Variants in CNOT1 observed in about 807,000 individuals in gnomAD.
The protein encoded by CNOT1 is CCR4-associated factor 1.
Under a neutral mutation model 273.8 loss-of-function variants are expected in CNOT1, and 15 were observed. That is an observed-to-expected ratio of 0.05 (90% CI 0.04 to 0.08). The LOEUF (loss-of-function observed/expected upper bound fraction) is 0.08. CNOT1 is among the 10% of genes least tolerant of loss of function. CNOT1 has a pLI of 1.00. For missense variants in CNOT1, 1,644 were observed against 2,912.2 expected, an observed-to-expected ratio of 0.56 and a Z score of 10.02; for synonymous variants, 1,022 against 1,005.5, an observed-to-expected ratio of 1.02 and a Z score of -0.31.
intron 16 of CNOT1, among the ~76,000 whole-genome samples, chr16:58,560,986 C>T (rs2151943618): frequency 6.6e-6 from 1 of 152,202 alleles, no homozygotes; most frequent in African/African-American, 2.4e-5. Context: ...GATCGCGCCA[C>T]TGCACTCCAG....
At chr16:58,579,781 T>C (rs2041591468) in intron 12 of CNOT1, among the ~76,000 whole-genome samples, 1 of 152,174 alleles carries the variant, frequency 6.6e-6, no homozygotes, top group African/African-American at 2.4e-5. Flanking sequence ...GTACCATTCT[T>C]TCTTCACACA....
chr16:58,536,282 G>A (rs1191326620), intron 39 of CNOT1, among the ~76,000 whole-genome samples: 1 of 152,114 alleles, frequency 6.6e-6, no homozygotes, highest in Non-Finnish European at 1.5e-5. Flanking sequence ...TACCACTCTT[G>A]CCAAGTTATA....
chr16:58,585,381 A>G lies in CNOT1; in HGVS notation c.763T>C (p.Leu255=), dbSNP rs1359358836. Residue 255 remains leucine (L), a synonymous_variant, in exon 8 of 49, where the codon TTG becomes CTG. Transcript: ENST00000317147. ...CCTACTTCTTGCATGAAATCAGCCAAAGAGCTCTCCATCATGGTTTTAGCT... is the reference window on the plus strand; with the variant it reads ...CCTACTTCTTGCATGAAATCAGCCAGAGAGCTCTCCATCATGGTTTTAGCT... ...GVAKTMMESS[L]ADFMQEVGYG... 1.2e-6 allele frequency: 2 copies of G among 1,613,832 alleles called. No individual in the cohort carries two copies. Among genetic ancestry groups the G allele is most frequent in the Admixed American group, 1.7e-5 (1 of 59,994 alleles).
chr16:58,524,348 C>T (rs1313788388), intron 46 of CNOT1, among the ~76,000 whole-genome samples: 1 of 150,264 alleles, frequency 6.7e-6, no homozygotes, highest in East Asian at 2.0e-4. Flanking sequence ...GTCTAAACTA[C>T]ACTGGAATAA....
intron 29 of CNOT1, 87 bp from the exon 30 acceptor site, chr16:58,545,578 A>G (rs2040233697): frequency 1.9e-6 from 3 of 1,563,252 alleles, no homozygotes; most frequent in Non-Finnish European, 2.6e-6. Flanking sequence ...AGTGGTCATT[A>G]TCTAATTAAA....
chr16:58,523,784 G>C (rs1045824288), intron 46 of CNOT1: 1 of 266,678 alleles, frequency 3.7e-6, no homozygotes, highest in South Asian at 7.6e-5. Flanking sequence ...TCATCACTAA[G>C]TCTTTCTACA....
At chr16:58,622,880 A>G (rs903686228) in intron 1 of CNOT1, among the ~76,000 whole-genome samples, 4 of 151,896 alleles carry the variant, frequency 2.6e-5, no homozygotes, top group Non-Finnish European at 5.9e-5. Flanking sequence ...AGAAAAAGAA[A>G]AAAGAATGTT....
chr16:58,594,821 GA>G (rs1290385796), intron 2 of CNOT1, among the ~76,000 whole-genome samples: 3 of 148,332 alleles, frequency 2.0e-5, no homozygotes, highest in African/African-American at 5.0e-5. Context: ...AAAAGAAAAA[GA>G]AAAAGAAAAA....
chr16:58,567,002 C>T (rs2041067683), intron 16 of CNOT1, among the ~76,000 whole-genome samples: 1 of 152,008 alleles, frequency 6.6e-6, no homozygotes, highest in African/African-American at 2.4e-5. Context: ...CCAAAAAGAC[C>T]ATCAGGCCAA....
intron 1 of CNOT1, among the ~76,000 whole-genome samples, chr16:58,627,104 A>T (rs898958943): frequency 7.9e-5 from 12 of 151,870 alleles, no homozygotes; most frequent in African/African-American, 2.7e-4. Flanking sequence ...ATAAATTCAA[A>T]CTGGTTAAAA....
chr16:58,560,120 A>T, intron 17 of CNOT1, 92 bp downstream of exon 17: 2 of 1,542,962 alleles, frequency 1.3e-6, no homozygotes, highest in Non-Finnish European at 1.7e-6. Flanking sequence ...TCTAAAATGT[A>T]ATAAATTCAG....
At position 58,617,921 on chromosome 16, in the gene CNOT1, G is replaced by A. The variant is rs950166074; in HGVS notation, c.-175+11807C>T. Among the ~76,000 whole-genome samples, 57 of 152,156 alleles carry A rather than the reference G, an allele frequency of 3.7e-4. 1 individual carries two copies. Among genetic ancestry groups the A allele is most frequent in the African/African-American group, 1.3e-3 (55 of 41,450 alleles). On this transcript the variant is annotated intron_variant, in intron 1 of 48. Transcript: ENST00000317147. The stretch of plus-strand genomic sequence containing the variant: ...CTACTTGGGCTGCTGTGGGAGGATG[G>A]CTTGAGCCCAGGAGTCTGTGATTTT...
At chr16:58,561,780 T>G (rs2151944701) in intron 16 of CNOT1, among the ~76,000 whole-genome samples, 2 of 152,286 alleles carry the variant, frequency 1.3e-5, no homozygotes, top group South Asian at 4.1e-4. Context: ...TTTAAAAAAT[T>G]TTTTAAACCA....
chr16:58,553,078 G>C (rs1481583884), intron 22 of CNOT1, among the ~76,000 whole-genome samples: 1 of 152,122 alleles, frequency 6.6e-6, no homozygotes, highest in African/African-American at 2.4e-5. Flanking sequence ...TTCAAGACCA[G>C]CCTGGCCAAC....
At chr16:58,528,169 G>A (rs2039664063) in intron 44 of CNOT1, 2 of 519,186 alleles carry the variant, frequency 3.9e-6, no homozygotes, top group South Asian at 1.6e-5. Flanking sequence ...GCCATGTGGG[G>A]CACACCCAGC....
rs781070734 is a variant in CNOT1, at chr16:58,546,430, A to T, written c.3897T>A (p.Pro1299=). ...NLALDINELK[P]GNLLKDKDRL... ...GATCTTTATCCTTTAGGAGGTTTCC[A>T]GGTTTTAGCTCATTGATGTCTAATG... Residue 1299 remains proline (P), a synonymous_variant, in exon 29 of 49, where the codon CCT becomes CCA. Coordinates refer to ENST00000317147, the MANE Select transcript of CNOT1 (RefSeq NM_016284.5). 12 of 1,613,990 alleles carry T rather than the reference A, an allele frequency of 7.4e-6. No individual in the cohort carries two copies. Among genetic ancestry groups the T allele is most frequent in the Non-Finnish European group, 1.0e-5 (12 of 1,179,938 alleles).
chr16:58,572,669 A>G (rs892435337), intron 16 of CNOT1, among the ~76,000 whole-genome samples: 1 of 152,010 alleles, frequency 6.6e-6, no homozygotes, highest in African/African-American at 2.4e-5. Flanking sequence ...CAACTTTGGG[A>G]GGCCAAGGCA....
chr16:58,557,039 C>A (rs758118752), intron 18 of CNOT1, 46 bp from the exon 19 acceptor site: 1 of 1,596,916 alleles, frequency 6.3e-7, no homozygotes. Flanking sequence ...TATTCATATT[C>A]TTGATTTTAT....
intron 2 of CNOT1, among the ~76,000 whole-genome samples, chr16:58,592,102 T>C (rs1437269049): frequency 6.6e-6 from 1 of 152,180 alleles, no homozygotes; most frequent in East Asian, 1.9e-4. Context: ...TTTTTAATTA[T>C]TTTACTCGTC....
Sources: allele counts gnomAD v4.1 joint callset (sites outside exome capture counted in the v4.1 genomes callset), GRCh38; gene constraint gnomAD v4.1.1; transcripts MANE v1.5; gene names NCBI Gene and HGNC (gene_info 2026-07-23, HGNC 2026-07-21).